Variants in TDRD12 observed in about 807,000 individuals in gnomAD.
The protein encoded by TDRD12 is tudor domain containing 12.
TDRD12 carries 158 observed loss-of-function variants against 133.5 expected under a neutral mutation model. The ratio of observed to expected loss-of-function variants is 1.18; its 90% CI spans 1.04 to 1.35. TDRD12 has a LOEUF of 1.35. TDRD12 is among the 40% of genes most tolerant of loss of function. TDRD12 has a pLI of 0.00. For synonymous variants in TDRD12, 460 were observed against 477.9 expected, an observed-to-expected ratio of 0.96 and a Z score of 0.49; for missense variants, 1,443 against 1,321.3, an observed-to-expected ratio of 1.09 and a Z score of -1.43.
downstream of TDRD12, among the ~76,000 whole-genome samples, chr19:32,822,746 C>CA (rs61143161): frequency 1.8e-4 from 25 of 139,806 alleles, no homozygotes; most frequent in Admixed American, 2.1e-4. Flanking sequence ...GACTCCATCT[C>CA]AAAAAAAAAA....
chr19:32,792,636 G>A (rs1226116127), intron 13 of TDRD12, among the ~76,000 whole-genome samples: 1 of 152,136 alleles, frequency 6.6e-6, no homozygotes, highest in African/African-American at 2.4e-5. Flanking sequence ...GAAGAATGAA[G>A]GAAGATGATA....
At chr19:32,784,649 G>A (rs1053451119) in intron 11 of TDRD12, among the ~76,000 whole-genome samples, 11 of 151,880 alleles carry the variant, frequency 7.2e-5, no homozygotes, top group African/African-American at 2.4e-4. Context: ...GGCTATTACA[G>A]CCTCAATTTC....
intron 10 of TDRD12, 146 bp from the exon 11 acceptor site, chr19:32,777,003 C>G: frequency 1.8e-6 from 1 of 570,164 alleles, no homozygotes; most frequent in Non-Finnish European, 3.0e-6. Context: ...ATCCTCCCAC[C>G]TTGGCCTCCC....
At position 32,756,264 on chromosome 19, in the gene TDRD12, T is replaced by A; in HGVS notation, c.772+83T>A. 2.5e-6 allele frequency: 3 copies of A among 1,185,380 alleles called. No individual in the cohort carries two copies. In the South Asian group the frequency reaches 7.9e-5, roughly 31 times the overall value. The allele number at this position is 1,185,380 out of a possible 1,614,324, so 73.4% of individuals were successfully genotyped here. ...GTATAGATATAAGTTGTACAGACTT[T>A]TCCCCACATGGAGACAAAGACTTGG... On this transcript the variant is annotated intron_variant, in intron 7 of 27. Transcript: ENST00000444215.
exon 9 of TDRD12, chr19:32,826,516 A>G (rs1967594980): frequency 3.2e-6 from 4 of 1,250,576 alleles, no homozygotes; most frequent in Non-Finnish European, 4.0e-6. Context: ...GATGACTGCC[A>G]ATGTGTGATT....
chr19:32,771,760 T>C (rs1160788943), intron 8 of TDRD12, among the ~76,000 whole-genome samples: 1 of 152,224 alleles, frequency 6.6e-6, no homozygotes, highest in Admixed American at 6.5e-5. Context: ...TACCTGATAA[T>C]GTAATTCCAA....
chr19:32,821,878 T>C (rs1967408416), downstream of TDRD12, among the ~76,000 whole-genome samples: 1 of 152,246 alleles, frequency 6.6e-6, no homozygotes, highest in Non-Finnish European at 1.5e-5. Flanking sequence ...TAGAGTTGGC[T>C]GACCTCGGCC....
At position 32,810,223 on chromosome 19, in the gene TDRD12, A is replaced by G. The variant is rs1966954218; in HGVS notation, c.2783A>G (p.Glu928Gly). 4 of 1,534,462 alleles carry G rather than the reference A, an allele frequency of 2.6e-6. No homozygotes were observed. In the East Asian group the frequency reaches 9.8e-5, roughly 38 times the overall value. ...AAGGATTCTAATAAAACAACTGTGG[A>G]AAAGGTGGAGAAGTTTGGATTGTAT... is the stretch of plus-strand genomic sequence containing the variant. Residue 928 changes from glutamate (E) to glycine (G), a missense_variant, in exon 23 of 28, where the codon GAA becomes GGA. By Grantham distance (98) the Glu-to-Gly change is moderately conservative. Transcript: ENST00000444215.
chr19:32,741,873 C>A (rs1969438079), intron 3 of TDRD12, among the ~76,000 whole-genome samples: 1 of 152,048 alleles, frequency 6.6e-6, no homozygotes, highest in Admixed American at 6.6e-5. Context: ...CATAGTGAGA[C>A]CTGGACCCTA....
intron 10 of TDRD12, among the ~76,000 whole-genome samples, chr19:32,775,521 G>A (rs1008758788): frequency 5.9e-5 from 9 of 152,058 alleles, no homozygotes; most frequent in African/African-American, 2.2e-4. Flanking sequence ...TTGCAGAGAT[G>A]GAAGTCTCGC....
intron 11 of TDRD12, among the ~76,000 whole-genome samples, chr19:32,783,486 T>G (rs993731536): frequency 6.6e-6 from 1 of 152,200 alleles, no homozygotes; most frequent in Non-Finnish European, 1.5e-5. Context: ...AGTAGTTTTC[T>G]CCAATTCTGT....
At chr19:32,749,266 C>A (rs1311259239) in intron 5 of TDRD12, among the ~76,000 whole-genome samples, 1 of 152,078 alleles carries the variant, frequency 6.6e-6, no homozygotes, top group Admixed American at 6.6e-5. Context: ...TGGAGGAGGC[C>A]GGCCACTTAG....
intron 6 of TDRD12, among the ~76,000 whole-genome samples, chr19:32,754,337 C>A (rs753356319): frequency 6.6e-5 from 10 of 152,068 alleles, no homozygotes; most frequent in Admixed American, 1.3e-4. Context: ...GGTGTGATGG[C>A]TTGCACCTGT....
chr19:32,811,484 C>A, intron 24 of TDRD12, 64 bp downstream of exon 24: 1 of 1,389,044 alleles, frequency 7.2e-7, no homozygotes, highest in Non-Finnish European at 9.9e-7. Flanking sequence ...AGAATATACA[C>A]AGAATTGAGG....
chr19:32,781,246 TTAATC>T (rs1370047987), intron 11 of TDRD12, among the ~76,000 whole-genome samples: 1 of 152,190 alleles, frequency 6.6e-6, no homozygotes, highest in African/African-American at 2.4e-5. Context: ...TCGGCCATTT[TTAATC>T]TATCTTAAAG....
intron 9 of TDRD12, 27 bp from the exon 32 acceptor site, chr19:32,826,656 C>T: frequency 1.6e-6 from 2 of 1,229,994 alleles, no homozygotes; most frequent in Non-Finnish European, 2.0e-6. Context: ...TATTCACGCG[C>T]TCACTGTCAG....
At chr19:32,817,984 A>AAAG in intron 26 of TDRD12, 105 bp from the exon 27 acceptor site, 1 of 669,714 alleles carries the variant, frequency 1.5e-6, no homozygotes. Flanking sequence ...AAAAAAAAAA[A>AAAG]GTGTTTTTAC....
At chr19:32,805,745 T>C (rs1335189314) in intron 21 of TDRD12, among the ~76,000 whole-genome samples, 1 of 148,876 alleles carries the variant, frequency 6.7e-6, no homozygotes, top group East Asian at 1.9e-4. Context: ...TTTTTTTTTT[T>C]TTTTGAGATG....
intron 10 of TDRD12, among the ~76,000 whole-genome samples, chr19:32,774,306 C>T (rs2145605043): frequency 6.6e-6 from 1 of 152,250 alleles, no homozygotes; most frequent in East Asian, 1.9e-4. Context: ...AGTTAACTAA[C>T]AAAAATATCT....
Sources: gnomAD v4.1 joint callset for allele counts (sites outside exome capture counted in the v4.1 genomes callset) on GRCh38, gnomAD v4.1.1 for gene constraint, MANE v1.5 for transcripts, NCBI Gene and HGNC (gene_info 2026-07-23, HGNC 2026-07-21) for gene names.